Variants in ST3GAL3 observed in about 807,000 individuals in gnomAD.
ST3GAL3 encodes ST3 beta-galactoside alpha-2,3-sialyltransferase 3.
Under a neutral mutation model 50.1 loss-of-function variants are expected in ST3GAL3, and 21 were observed. The ratio of observed to expected loss-of-function variants is 0.42; its 90% CI spans 0.30 to 0.60. The LOEUF is 0.60. Among genes scored for constraint, ST3GAL3 ranks in the 20% least tolerant of loss-of-function variants. The pLI, the probability that ST3GAL3 is intolerant of heterozygous loss-of-function variation, is 0.19. For missense variants in ST3GAL3, 353 were observed against 489.4 expected (o/e 0.72, Z 2.63); for synonymous variants, 183 against 190.0 (o/e 0.96, Z 0.30).
intron 1 of ST3GAL3, chr1:43,720,439 G>A (rs1211257270): frequency 6.6e-6 from 1 of 152,194 alleles, no homozygotes; most frequent in African/African-American, 2.4e-5. Context: ...GCTAAGACTG[G>A]ATAATTTATA....
rs112422341 is a variant in ST3GAL3, at chr1:43,778,148, GC to G, written c.119-13952del. Reference sequence around the variant, plus strand: ...TGCAGGGACATGGTTGGAGCTGGAAGCCATTATCCTCAGAAAGCTGATACAG... The same window carrying G: ...TGCAGGGACATGGTTGGAGCTGGAAGCATTATCCTCAGAAAGCTGATACAG... On this transcript the variant is annotated intron_variant, in intron 2 of 11. Transcript: ENST00000347631. 1.0e-3 allele frequency among the ~76,000 whole-genome samples: 158 copies of G among 152,306 alleles called. 4 individuals carry two copies. The Middle Eastern group carries it at 0.014, about 13-fold the overall frequency.
chr1:43,879,798 G>A (rs531837720), intron 5 of ST3GAL3, among the ~76,000 whole-genome samples: 1 of 152,236 alleles, frequency 6.6e-6, no homozygotes, highest in South Asian at 2.1e-4. Context: ...CTCCTGCACC[G>A]TGACCCTGCG....
At chr1:43,880,934 C>T (rs1440741967) in intron 5 of ST3GAL3, among the ~76,000 whole-genome samples, 2 of 152,032 alleles carry the variant, frequency 1.3e-5, no homozygotes, top group African/African-American at 2.4e-5. Flanking sequence ...ATTATTGTGA[C>T]GTTGATCATG....
chr1:43,780,800 T>C (rs1366162428), intron 2 of ST3GAL3, among the ~76,000 whole-genome samples: 1 of 152,152 alleles, frequency 6.6e-6, no homozygotes. Flanking sequence ...CTGAGGAGTT[T>C]AATGATTTTT....
At chr1:43,783,455 C>CT (rs1700006459) in intron 2 of ST3GAL3, among the ~76,000 whole-genome samples, 1 of 152,226 alleles carries the variant, frequency 6.6e-6, no homozygotes, top group Middle Eastern at 3.2e-3. Flanking sequence ...TCTGATTGGG[C>CT]TGTCTTTCAT....
chr1:43,829,995 C>A (rs941958295), intron 4 of ST3GAL3, among the ~76,000 whole-genome samples: 3 of 70,130 alleles, frequency 4.3e-5, no homozygotes, highest in African/African-American at 1.5e-4. Context: ...ATAAAAATTC[C>A]TTTTTTTTTT....
chr1:43,708,956 G>A lies in ST3GAL3; in HGVS notation c.-31+1263G>A, dbSNP rs184954958. Among the ~76,000 whole-genome samples, 298 of 152,300 alleles carry A rather than the reference G, an allele frequency of 2.0e-3. 1 individual carries two copies. The highest frequency in any genetic ancestry group is 7.0e-3 in the African/African-American group (293 of 41,562). ...TCTAATGGGCCTATAATATACTTGA[G>A]GGAATAAAGCACACACATGACAATG... is the stretch of plus-strand genomic sequence containing the variant. On this transcript the variant is annotated intron_variant, in intron 1 of 11. Coordinates refer to ENST00000347631, the MANE Select transcript of ST3GAL3 (RefSeq NM_006279.5).
chr1:43,904,471 C>T (rs945009833), intron 9 of ST3GAL3, among the ~76,000 whole-genome samples: 2 of 151,958 alleles, frequency 1.3e-5, no homozygotes, highest in African/African-American at 4.8e-5. Context: ...CACCAGTGGC[C>T]GCAGCTCTTT....
intron 5 of ST3GAL3, chr1:43,851,587 T>A: frequency 7.1e-7 from 1 of 1,402,136 alleles, no homozygotes; most frequent in Non-Finnish European, 1.0e-6. Flanking sequence ...TCCGAGGTAA[T>A]CAGCTCCAAT....
intron 2 of ST3GAL3, among the ~76,000 whole-genome samples, chr1:43,749,669 T>A (rs1028829155): frequency 2.6e-5 from 4 of 152,342 alleles, no homozygotes; most frequent in African/African-American, 9.6e-5. Context: ...ATAAGCACCT[T>A]GCTATGGTTT....
At chr1:43,709,669 C>T (rs183751634) in intron 1 of ST3GAL3, 1 of 151,898 alleles carries the variant, frequency 6.6e-6, no homozygotes, top group East Asian at 1.9e-4. Flanking sequence ...GATGAAACCC[C>T]GTCTCTACCA....
At chr1:43,746,091 A>G (rs1683517536) in intron 2 of ST3GAL3, among the ~76,000 whole-genome samples, 1 of 152,234 alleles carries the variant, frequency 6.6e-6, no homozygotes, top group South Asian at 2.1e-4. Context: ...GCATGACTAT[A>G]TCTGAGAAGC....
At chr1:43,823,173 T>C (rs1414913992) in intron 4 of ST3GAL3, among the ~76,000 whole-genome samples, 1 of 152,110 alleles carries the variant, frequency 6.6e-6, no homozygotes, top group Non-Finnish European at 1.5e-5. Flanking sequence ...GTGGTCTATT[T>C]CCACACTGAA....
In ST3GAL3 at chr1:43,767,207, G is replaced by A. The variant is rs147800404; in HGVS notation, c.119-24895G>A. Among the ~76,000 whole-genome samples, 200 of 152,242 alleles carry A rather than the reference G, an allele frequency of 1.3e-3. 2 individuals carry two copies. The highest frequency in any genetic ancestry group is 3.4e-3 in the Middle Eastern group (1 of 294). The stretch of plus-strand genomic sequence containing the variant: ...TGCTTGGAAAGGCCTTGTGGTGGAG[G>A]TAACATCTGAGCTGAGTAGGGAGGG... On this transcript the variant is annotated intron_variant, in intron 2 of 11. Coordinates refer to ENST00000347631, the MANE Select transcript of ST3GAL3 (RefSeq NM_006279.5).
At chr1:43,770,859 G>A (rs1347811920) in intron 2 of ST3GAL3, among the ~76,000 whole-genome samples, 1 of 152,228 alleles carries the variant, frequency 6.6e-6, no homozygotes, top group Non-Finnish European at 1.5e-5. Context: ...GTCTGGTGAA[G>A]TTCAATCTCT....
intron 1 of ST3GAL3, among the ~76,000 whole-genome samples, chr1:43,718,508 C>A (rs371824432): frequency 2.0e-5 from 3 of 148,160 alleles, no homozygotes; most frequent in Middle Eastern, 3.5e-3. Context: ...TCTTAATATG[C>A]CATCTTGCTT....
chr1:43,756,079 A>G (rs538549205), intron 2 of ST3GAL3, among the ~76,000 whole-genome samples: 147 of 137,582 alleles, frequency 1.1e-3, no homozygotes, highest in African/African-American at 3.8e-3. Context: ...CTAACCTGGT[A>G]GACAGAGTGA....
At chr1:43,881,658 T>C (rs967698451) in intron 5 of ST3GAL3, among the ~76,000 whole-genome samples, 18 of 152,214 alleles carry the variant, frequency 1.2e-4, no homozygotes, top group Non-Finnish European at 2.1e-4. Context: ...GCCTCTCCTC[T>C]CCTCCTTCAG....
chr1:43,884,718 G>C (rs1393273733), intron 5 of ST3GAL3, among the ~76,000 whole-genome samples: 1 of 152,148 alleles, frequency 6.6e-6, no homozygotes, highest in Admixed American at 6.5e-5. Context: ...CTCATTGCTG[G>C]GCTCTGCCTT....
Sources: gnomAD v4.1 joint callset for allele counts (sites outside exome capture counted in the v4.1 genomes callset) on GRCh38, gnomAD v4.1.1 for gene constraint, MANE v1.5 for transcripts, NCBI Gene and HGNC (gene_info 2026-07-23, HGNC 2026-07-21) for gene names.